The following USP49 variants were observed in gnomAD, a reference collection of about 807,000 sequenced individuals.
The protein encoded by USP49 is ubiquitin carboxyl-terminal hydrolase 49.
A neutral mutation model predicts 58.6 loss-of-function variants in USP49; 24 were observed. That is an observed-to-expected ratio of 0.41 (90% confidence interval 0.30 to 0.58). The LOEUF (loss-of-function observed/expected upper bound fraction) is 0.58. USP49 is among the 20% of genes least tolerant of loss of function. USP49 has a pLI of 0.30. For synonymous variants in USP49, 408 were observed against 365.1 expected, an observed-to-expected ratio of 1.12 and a Z score of -1.34; for missense variants, 703 against 866.1, an observed-to-expected ratio of 0.81 and a Z score of 2.36.
intron 3 of USP49, among the ~76,000 whole-genome samples, chr6:41,865,427 A>G (rs1774296167): frequency 6.6e-6 from 1 of 152,318 alleles, no homozygotes; most frequent in South Asian, 2.1e-4. Flanking sequence ...ACAGCGGGAT[A>G]GGCCTATCTT....
chr6:41,799,810 G>A lies in USP49; in HGVS notation c.1670+20C>T, dbSNP rs1772963088. On this transcript the variant is annotated intron_variant, in intron 6 of 7. Transcript: ENST00000682992. ...ATTCCCACAGCTCTCACCCAGCTGG[G>A]ACTCCCACAGCAAGCTCACCTGAAT... 3 of 1,607,626 alleles carry A rather than the reference G, an allele frequency of 1.9e-6. No homozygotes were observed. Among genetic ancestry groups the A allele is most frequent in the Non-Finnish European group, 2.6e-6 (3 of 1,174,344 alleles).
intron 3 of USP49, among the ~76,000 whole-genome samples, chr6:41,816,702 C>T (rs957730228): frequency 1.3e-5 from 2 of 149,526 alleles, no homozygotes; most frequent in Non-Finnish European, 3.0e-5. Flanking sequence ...GTTCCACACT[C>T]TATTATTATT....
intron 2 of USP49, among the ~76,000 whole-genome samples, chr6:41,891,439 G>A (rs1267191782): frequency 6.6e-6 from 1 of 152,120 alleles, no homozygotes; most frequent in Non-Finnish European, 1.5e-5. Context: ...TGTAAAATGA[G>A]AATAGTAATA....
At chr6:41,880,266 GA>G (rs1490362238) in intron 2 of USP49, among the ~76,000 whole-genome samples, 1 of 152,084 alleles carries the variant, frequency 6.6e-6, no homozygotes, top group Non-Finnish European at 1.5e-5. Context: ...TGGGAAATAG[GA>G]AAGGAAAATT....
intron 3 of USP49, among the ~76,000 whole-genome samples, chr6:41,850,527 C>G (rs1774008914): frequency 6.7e-6 from 1 of 150,240 alleles, no homozygotes; most frequent in African/African-American, 2.4e-5. Flanking sequence ...ACTGATGTCA[C>G]AGAAATAAAA....
intron 2 of USP49, among the ~76,000 whole-genome samples, chr6:41,883,987 G>A (rs768161729): frequency 1.3e-5 from 2 of 152,184 alleles, no homozygotes; most frequent in East Asian, 1.9e-4. Flanking sequence ...GCTGCAGCTC[G>A]AAGCAGTTAG....
At chr6:41,799,996 CAG>C (rs1323819715) in intron 5 of USP49, 58 bp from the exon 6 acceptor site, 15 of 1,475,170 alleles carry the variant, frequency 1.0e-5, no homozygotes, top group Non-Finnish European at 1.3e-5. Flanking sequence ...CTAGCTATGG[CAG>C]AGACAGTGAC....
chr6:41,881,650 A>T (rs900836641), intron 2 of USP49, among the ~76,000 whole-genome samples: 2 of 152,146 alleles, frequency 1.3e-5, no homozygotes, highest in Non-Finnish European at 2.9e-5. Flanking sequence ...GTTTTTGCTC[A>T]TAGATATTCA....
chr6:41,853,868 G>T (rs1774074933), intron 3 of USP49, among the ~76,000 whole-genome samples: 1 of 151,892 alleles, frequency 6.6e-6, no homozygotes, highest in South Asian at 2.1e-4. Context: ...GCAAGGTGGT[G>T]CATGCCTGTA....
intron 3 of USP49, among the ~76,000 whole-genome samples, chr6:41,818,915 A>G (rs895610196): frequency 2.6e-5 from 4 of 152,174 alleles, no homozygotes; most frequent in Non-Finnish European, 5.9e-5. Context: ...CAGCACATGT[A>G]CAATGAGACT....
At chr6:41,817,240 C>T (rs1248019258) in intron 3 of USP49, among the ~76,000 whole-genome samples, 3 of 146,524 alleles carry the variant, frequency 2.0e-5, no homozygotes, top group Middle Eastern at 3.6e-3. Flanking sequence ...CTCCGCCTCC[C>T]GGGTTCAAAC....
intron 3 of USP49, among the ~76,000 whole-genome samples, chr6:41,815,348 G>A (rs1366215019): frequency 1.3e-5 from 2 of 151,968 alleles, no homozygotes; most frequent in African/African-American, 4.8e-5. Context: ...GTGAACCTGG[G>A]AGGCGGAGCT....
At chr6:41,874,529 T>C (rs1774468386) in intron 2 of USP49, among the ~76,000 whole-genome samples, 1 of 152,200 alleles carries the variant, frequency 6.6e-6, no homozygotes, top group African/African-American at 2.4e-5. Flanking sequence ...GTTACATATA[T>C]TAACAAATTC....
intron 3 of USP49, among the ~76,000 whole-genome samples, chr6:41,807,935 C>T (rs1445164526): frequency 1.3e-5 from 2 of 151,480 alleles, no homozygotes; most frequent in East Asian, 1.9e-4. Context: ...ACCACCACAC[C>T]CGGCTAATTT....
intron 3 of USP49, among the ~76,000 whole-genome samples, chr6:41,870,498 A>G (rs889728974): frequency 6.6e-6 from 1 of 152,144 alleles, no homozygotes; most frequent in African/African-American, 2.4e-5. Flanking sequence ...AAAAACTTTT[A>G]TATCTCATAA....
rs970341759 is a variant in USP49 at position 41,794,499 on chromosome 6, G to C, written c.*2034C>G. On this transcript the variant is annotated 3_prime_UTR_variant, in exon 8 of 8. Coordinates refer to ENST00000682992, the MANE Select transcript of USP49 (RefSeq NM_001286554.2). ...ATAATAAATATAGGATTCAATGAAAGATGAGGCACGATTCATAGTTTCCTT... is the reference window on the plus strand; with the variant it reads ...ATAATAAATATAGGATTCAATGAAACATGAGGCACGATTCATAGTTTCCTT... The C allele has an allele frequency of 2.6e-5, 4 of 152,154 alleles. No individual in the cohort carries two copies. The highest frequency in any genetic ancestry group is 9.7e-5 in the African/African-American group (4 of 41,438). The allele number at this position is 152,154 out of a possible 1,614,324, so 9.4% of individuals were successfully genotyped here.
At position 41,801,315 on chromosome 6, in the gene USP49, A is replaced by C. The variant is rs4714514; in HGVS notation, c.1562-1377T>G. ...CTCAGTGTTTGAAGAGCAGCTGGGC[A>C]TCTGATTCCAAGTCCTGTCTGTACT... On this transcript the variant is annotated intron_variant, in intron 5 of 7. Coordinates refer to ENST00000682992, the MANE Select transcript of USP49 (RefSeq NM_001286554.2). Among the ~76,000 whole-genome samples the C allele has an allele frequency of 8.4e-3, 1,273 of 152,336 alleles. 29 individuals are homozygous for C. Among genetic ancestry groups the C allele is most frequent in the Admixed American group, 0.05 (761 of 15,298 alleles).
chr6:41,881,970 T>C (rs1428706378), intron 2 of USP49, among the ~76,000 whole-genome samples: 1 of 151,450 alleles, frequency 6.6e-6, no homozygotes. Flanking sequence ...TCAATCTTAA[T>C]CAAAATTACA....
At position 41,820,771 on chromosome 6, in the gene USP49, G is replaced by A. The variant is rs185257016; in HGVS notation, c.-28-13760C>T. On this transcript the variant is annotated intron_variant, in intron 3 of 7. Transcript: ENST00000682992. The stretch of plus-strand genomic sequence containing the variant: ...TCACAGCACTTTGGGAAGCCAAGGC[G>A]GGCAGATCACTTCAGCCCAGGAGTT... Among the ~76,000 whole-genome samples the A allele has an allele frequency of 2.4e-4, 37 of 152,224 alleles. No homozygotes were observed. The East Asian group carries it at 6.4e-3, about 26-fold the overall frequency.
Sources: gnomAD v4.1 joint callset for allele counts (sites outside exome capture counted in the v4.1 genomes callset) on GRCh38, gnomAD v4.1.1 for gene constraint, MANE v1.5 for transcripts, NCBI Gene and HGNC (gene_info 2026-07-23, HGNC 2026-07-21) for gene names.